Variants in ZNF804A observed in about 807,000 individuals in gnomAD.
ZNF804A encodes the protein zinc finger protein 804A.
In ZNF804A, 2 loss-of-function variants were observed where a neutral mutation model predicts 16.5. That is an observed-to-expected ratio of 0.12 (90% confidence interval 0.05 to 0.38). ZNF804A has a LOEUF of 0.38. ZNF804A is among the 10% of genes least tolerant of loss of function. ZNF804A has a pLI of 0.99. For synonymous variants in ZNF804A, 534 were observed against 489.6 expected (o/e 1.09, Z -1.20); for missense variants, 1,473 against 1,390.7 (o/e 1.06, Z -0.94).
chr2:184,803,604 A>G (rs1694757731), intron 1 of ZNF804A, among the ~76,000 whole-genome samples: 1 of 152,152 alleles, frequency 6.6e-6, no homozygotes, highest in Admixed American at 6.5e-5. Context: ...AGAAACATTT[A>G]TTTACAGATT....
At chr2:184,620,341 C>T (rs998734472) in intron 1 of ZNF804A, among the ~76,000 whole-genome samples, 3 of 151,648 alleles carry the variant, frequency 2.0e-5, no homozygotes, top group Non-Finnish European at 4.4e-5. Flanking sequence ...AAAAAAATTG[C>T]TAGTTCTGCA....
chr2:184,794,692 C>G (rs1261635453), intron 1 of ZNF804A, among the ~76,000 whole-genome samples: 1 of 152,056 alleles, frequency 6.6e-6, no homozygotes, highest in African/African-American at 2.4e-5. Flanking sequence ...CCTAAATGCT[C>G]TGCATAAAAG....
intron 2 of ZNF804A, among the ~76,000 whole-genome samples, chr2:184,880,835 C>T (rs1296274559): frequency 6.6e-6 from 1 of 152,026 alleles, no homozygotes; most frequent in African/African-American, 2.4e-5. Flanking sequence ...ATAACAACAC[C>T]AATACCACCT....
At chr2:184,926,046 A>G (rs1405430714) in intron 2 of ZNF804A, among the ~76,000 whole-genome samples, 1 of 150,188 alleles carries the variant, frequency 6.7e-6, no homozygotes, top group Non-Finnish European at 1.5e-5. Flanking sequence ...CACCACTGTT[A>G]CAGTGTTACA....
chr2:184,679,371 G>C (rs893239765), intron 1 of ZNF804A, among the ~76,000 whole-genome samples: 1 of 152,228 alleles, frequency 6.6e-6, no homozygotes, highest in Non-Finnish European at 1.5e-5. Context: ...TGTAAGTGGG[G>C]AGGCATGACC....
At chr2:184,731,145 G>A (rs1693508266) in intron 1 of ZNF804A, among the ~76,000 whole-genome samples, 2 of 149,950 alleles carry the variant, frequency 1.3e-5, no homozygotes, top group South Asian at 2.1e-4. Flanking sequence ...CAGCTACTCA[G>A]GAGGCTGAGG....
At chr2:184,726,707 A>C (rs1693417969) in intron 1 of ZNF804A, among the ~76,000 whole-genome samples, 1 of 151,466 alleles carries the variant, frequency 6.6e-6, no homozygotes, top group Non-Finnish European at 1.5e-5. Flanking sequence ...CTGCAACATG[A>C]CTCCAAGAAT....
intron 2 of ZNF804A, chr2:184,902,617 T>A (rs1396876957): frequency 6.6e-6 from 1 of 152,162 alleles, no homozygotes; most frequent in African/African-American, 2.4e-5. Context: ...CTCAGATGCA[T>A]TTGATTATGT....
chr2:184,921,736 C>G (rs977724437), intron 2 of ZNF804A, among the ~76,000 whole-genome samples: 1 of 152,050 alleles, frequency 6.6e-6, no homozygotes, highest in Non-Finnish European at 1.5e-5. Flanking sequence ...TCTAACCGTA[C>G]TTTTGTACCC....
intron 1 of ZNF804A, among the ~76,000 whole-genome samples, chr2:184,863,062 G>A (rs1695823264): frequency 6.6e-6 from 1 of 152,100 alleles, no homozygotes; most frequent in African/African-American, 2.4e-5. Flanking sequence ...GAAAGGGTAT[G>A]AGATGGGATA....
intron 1 of ZNF804A, among the ~76,000 whole-genome samples, chr2:184,702,411 T>G (rs1692933775): frequency 6.6e-6 from 1 of 152,108 alleles, no homozygotes; most frequent in Non-Finnish European, 1.5e-5. Flanking sequence ...TTACGATTCC[T>G]CAAACCTAAT....
At chr2:184,798,609 T>G (rs1196579211) in intron 1 of ZNF804A, among the ~76,000 whole-genome samples, 1 of 152,172 alleles carries the variant, frequency 6.6e-6, no homozygotes, top group African/African-American at 2.4e-5. Context: ...CTTTATGCTA[T>G]TTCCTTGAAT....
At chr2:184,907,299 C>G (rs1426445654) in intron 2 of ZNF804A, among the ~76,000 whole-genome samples, 3 of 152,154 alleles carry the variant, frequency 2.0e-5, no homozygotes, top group Admixed American at 6.6e-5. Flanking sequence ...AAAATTACTT[C>G]TACATTCTCA....
At chr2:184,753,001 A>G (rs960065379) in intron 1 of ZNF804A, among the ~76,000 whole-genome samples, 1 of 151,580 alleles carries the variant, frequency 6.6e-6, no homozygotes, top group African/African-American at 2.4e-5. Context: ...CCTTTTACAT[A>G]TAAGATCATG....
At chr2:184,646,068 C>G (rs980218250) in intron 1 of ZNF804A, among the ~76,000 whole-genome samples, 10 of 152,280 alleles carry the variant, frequency 6.6e-5, no homozygotes, top group South Asian at 6.2e-4. Flanking sequence ...TTCCCAGACC[C>G]AAGACTGAGA....
intron 1 of ZNF804A, among the ~76,000 whole-genome samples, chr2:184,618,488 A>C (rs756174774): frequency 1.4e-4 from 22 of 152,118 alleles, no homozygotes; most frequent in Admixed American, 3.9e-4. Flanking sequence ...ATTTTGGTAA[A>C]ATTCAGGTGT....
At chr2:184,709,617 G>A (rs1248574030) in intron 1 of ZNF804A, among the ~76,000 whole-genome samples, 3 of 151,628 alleles carry the variant, frequency 2.0e-5, no homozygotes, top group Middle Eastern at 3.4e-3. Flanking sequence ...AAAAAACCTC[G>A]AGTCTTCTCT....
chr2:184,931,750 G>C (rs894540864), intron 2 of ZNF804A, among the ~76,000 whole-genome samples: 2 of 152,144 alleles, frequency 1.3e-5, no homozygotes, highest in Non-Finnish European at 2.9e-5. Flanking sequence ...TTTCTCCTCA[G>C]AAAATGGGTT....
At chr2:184,621,421 A>G (rs1691417982) in intron 1 of ZNF804A, among the ~76,000 whole-genome samples, 3 of 151,812 alleles carry the variant, frequency 2.0e-5, no homozygotes, top group Middle Eastern at 6.8e-3. Flanking sequence ...TTCTAGATGG[A>G]CAATCCGACA....
Sources: gnomAD v4.1 joint callset for allele counts (sites outside exome capture counted in the v4.1 genomes callset) on GRCh38, gnomAD v4.1.1 for gene constraint, MANE v1.5 for transcripts, NCBI Gene and HGNC (gene_info 2026-07-23, HGNC 2026-07-21) for gene names.